Variants in SUPT16H observed in about 807,000 individuals in gnomAD.
The protein encoded by SUPT16H is SPT16 homolog, facilitates chromatin remodeling subunit, also known as FACT complex subunit SPT16.
In SUPT16H, 24 loss-of-function variants were observed where a neutral mutation model predicts 136.2. The ratio of observed to expected loss-of-function variants is 0.18; its 90% confidence interval spans 0.13 to 0.25. SUPT16H has a LOEUF of 0.25. Among genes scored for constraint, SUPT16H ranks in the 10% least tolerant of loss-of-function variants. The pLI is 1.00. For missense variants in SUPT16H, 623 were observed against 1,270.2 expected, an observed-to-expected ratio of 0.49 and a Z score of 7.74; for synonymous variants, 415 against 428.2, an observed-to-expected ratio of 0.97 and a Z score of 0.38.
At chr14:21,353,597 A>G (rs777433504) in intron 24 of SUPT16H, 32 bp from the exon 25 acceptor site, 5 of 1,609,854 alleles carry the variant, frequency 3.1e-6, no homozygotes, top group Non-Finnish European at 8.5e-7. Context: ...GTTAGTCATC[A>G]TGCGGGAACA....
At chr14:21,369,612 G>A (rs1886744138) in intron 5 of SUPT16H, 138 bp downstream of exon 5, 1 of 1,166,334 alleles carries the variant, frequency 8.6e-7, no homozygotes, top group South Asian at 1.5e-5. Flanking sequence ...TATTTTGAAA[G>A]GGAGATGATG....
chr14:21,360,145 G>T lies in SUPT16H; in HGVS notation c.2175+270C>A, dbSNP rs142816090. On this transcript the variant is annotated intron_variant, in intron 18 of 25. Coordinates refer to ENST00000216297, the MANE Select transcript of SUPT16H (RefSeq NM_007192.4). ...CAGGTTCAAGCAATTTTCCTGCCTC[G>T]GCCTCTCAAGTAGCTGGGATTACAG... Among the ~76,000 whole-genome samples, 721 of 151,952 alleles carry T rather than the reference G, an allele frequency of 4.7e-3. 7 individuals carry two copies. The highest frequency in any genetic ancestry group is 0.017 in the African/African-American group (687 of 41,456).
chr14:21,363,628 T>C (rs779916553), intron 10 of SUPT16H, 125 bp from the exon 11 acceptor site: 25 of 815,652 alleles, frequency 3.1e-5, no homozygotes, highest in African/African-American at 8.7e-5. Context: ...TGAATAAATA[T>C]AGTTTTTATC....
chr14:21,360,096 C>T (rs534144850), intron 18 of SUPT16H, among the ~76,000 whole-genome samples: 6 of 152,240 alleles, frequency 3.9e-5, no homozygotes, highest in East Asian at 3.9e-4. Context: ...GGCGCGATCT[C>T]GGCTCACTGC....
chr14:21,383,993 C>G lies in SUPT16H; in HGVS notation c.-66G>C. ...CGAGGTCCCGGCTCAGCCACCCGCT[C>G]TCGGCCCAGGAATCCCGCACTCTCC... is the stretch of plus-strand genomic sequence containing the variant. On this transcript the variant is annotated 5_prime_UTR_variant, in exon 1 of 26. Coordinates refer to ENST00000216297, the MANE Select transcript of SUPT16H (RefSeq NM_007192.4). 3.1e-6 allele frequency: 5 copies of G among 1,594,442 alleles called. No individual in the cohort carries two copies. The highest frequency in any genetic ancestry group is 4.5e-5 in the East Asian group (2 of 44,790).
intron 17 of SUPT16H, 133 bp downstream of exon 17, chr14:21,360,713 T>C (rs906756375): frequency 1.5e-6 from 2 of 1,373,786 alleles, no homozygotes; most frequent in South Asian, 2.8e-5. Context: ...CTTGTCATAC[T>C]TTATTAGCAC....
intron 4 of SUPT16H, 91 bp downstream of exon 4, chr14:21,370,245 C>A: frequency 6.8e-7 from 1 of 1,469,524 alleles, no homozygotes; most frequent in South Asian, 1.4e-5. Flanking sequence ...ACAGTTTTCC[C>A]AAAACAAACG....
chr14:21,383,973 T>A lies in SUPT16H; in HGVS notation c.-46A>T, dbSNP rs1594315984. ...CTCGGGTTCCGAGAATCACGCGAGG[T>A]CCCGGCTCAGCCACCCGCTCTCGGC... On this transcript the variant is annotated 5_prime_UTR_variant, in exon 1 of 26. Coordinates refer to ENST00000216297, the MANE Select transcript of SUPT16H (RefSeq NM_007192.4). 6.2e-7 allele frequency: 1 copy of A among 1,609,856 alleles called. No individual in the cohort carries two copies.
At chr14:21,361,452 G>A in intron 15 of SUPT16H, 1 of 537,550 alleles carries the variant, frequency 1.9e-6, no homozygotes, top group Non-Finnish European at 3.3e-6. Flanking sequence ...AAGTACCTGG[G>A]ATTACAGGTA....
chr14:21,365,802 A>C (rs374739514), intron 8 of SUPT16H, among the ~76,000 whole-genome samples: 1 of 151,940 alleles, frequency 6.6e-6, no homozygotes, highest in Non-Finnish European at 1.5e-5. Flanking sequence ...ACAAAAAAAA[A>C]CCCCCAAAAC....
At chr14:21,363,780 G>A (rs2139403870) in intron 10 of SUPT16H, among the ~76,000 whole-genome samples, 1 of 152,226 alleles carries the variant, frequency 6.6e-6, no homozygotes, top group South Asian at 2.1e-4. Context: ...CCGGATTCAA[G>A]TGATTCTCCT....
intron 25 of SUPT16H, 115 bp from the exon 26 acceptor site, chr14:21,352,933 A>G (rs1425737577): frequency 1.1e-5 from 15 of 1,350,702 alleles, no homozygotes; most frequent in Non-Finnish European, 1.5e-5. Context: ...AAGTTTTAAT[A>G]TTGGGCAAGT....
chr14:21,358,804 A>G (rs1364657267), intron 19 of SUPT16H, among the ~76,000 whole-genome samples: 1 of 152,044 alleles, frequency 6.6e-6, no homozygotes, highest in Non-Finnish European at 1.5e-5. Context: ...AGGGTTGTTT[A>G]TTTATTTATT....
At chr14:21,355,474 C>CA (rs1451375924) in intron 22 of SUPT16H, among the ~76,000 whole-genome samples, 2 of 129,368 alleles carry the variant, frequency 1.5e-5, no homozygotes, top group Non-Finnish European at 3.1e-5. Flanking sequence ...GCCTGGGCAA[C>CA]AGAGTGAGAC....
chr14:21,367,697 A>G (rs915410029), intron 7 of SUPT16H, among the ~76,000 whole-genome samples: 39 of 152,234 alleles, frequency 2.6e-4, no homozygotes, highest in African/African-American at 9.4e-4. Context: ...AATAAGGCCA[A>G]GGTATTTTGT....
intron 3 of SUPT16H, among the ~76,000 whole-genome samples, chr14:21,371,518 A>T (rs1886785263): frequency 6.6e-6 from 1 of 152,260 alleles, no homozygotes; most frequent in Non-Finnish European, 1.5e-5. Flanking sequence ...ATGACAAAAA[A>T]AATTCACATT....
In SUPT16H at chr14:21,352,823, A is replaced by T; in HGVS notation, c.2999-5T>A. 6.2e-7 allele frequency: 1 copy of T among 1,614,102 alleles called. No individual in the cohort carries two copies. The highest frequency in any genetic ancestry group is 8.5e-7 in the Non-Finnish European group (1 of 1,179,998). On this transcript the variant is annotated splice_region_variant and splice_polypyrimidine_tract_variant and intron_variant, in intron 25 of 25. Coordinates refer to ENST00000216297, the MANE Select transcript of SUPT16H (RefSeq NM_007192.4). Reference sequence around the variant, plus strand: ...CGTAACGACTTTCTCGGTCCGCTAAATAGAAGAGGCATTATTAGTTAGCAA... The same window carrying T: ...CGTAACGACTTTCTCGGTCCGCTAATTAGAAGAGGCATTATTAGTTAGCAA...
chr14:21,383,988 C>T lies in SUPT16H; in HGVS notation c.-61G>A. The T allele has an allele frequency of 6.3e-7, 1 of 1,596,704 alleles. No individual in the cohort carries two copies. Among genetic ancestry groups the T allele is most frequent in the Middle Eastern group, 2.3e-4 (1 of 4,412 alleles). Reference sequence around the variant, plus strand: ...TCACGCGAGGTCCCGGCTCAGCCACCCGCTCTCGGCCCAGGAATCCCGCAC... The same window carrying T: ...TCACGCGAGGTCCCGGCTCAGCCACTCGCTCTCGGCCCAGGAATCCCGCAC... On this transcript the variant is annotated 5_prime_UTR_variant, in exon 1 of 26. Transcript: ENST00000216297.
In SUPT16H at chr14:21,370,419, T is replaced by C; in HGVS notation, c.400A>G (p.Ile134Val). ...AATTTGTCTTTGCTGAACACTCCAA[T>C]CTTCTTGCCATTCTTGCTTTCTTTA... is the stretch of plus-strand genomic sequence containing the variant. ...AIKESKNGKK[I>V]GVFSKDKFPG... Residue 134 changes from isoleucine to valine, a missense_variant, in exon 4 of 26, where the codon ATT (isoleucine) becomes GTT (valine). By Grantham distance (29) the Ile-to-Val change is conservative. Around this residue, in one of 7 missense-constraint regions of SUPT16H, gnomAD observed 343 missense variants for 525.7 expected, o/e 0.65. Coordinates refer to ENST00000216297, the MANE Select transcript of SUPT16H (RefSeq NM_007192.4). The C allele has an allele frequency of 1.2e-6, 2 of 1,614,028 alleles. No homozygotes were observed. Among genetic ancestry groups the C allele is most frequent in the Admixed American group, 1.7e-5 (1 of 60,022 alleles).
Sources: allele counts gnomAD v4.1 joint callset (sites outside exome capture counted in the v4.1 genomes callset), GRCh38; gene constraint gnomAD v4.1.1; regional missense constraint gnomAD v4.1.1; transcripts MANE v1.5; gene names NCBI Gene and HGNC (gene_info 2026-07-23, HGNC 2026-07-21).